Variants in PRKCA observed in about 807,000 individuals in gnomAD.
PRKCA encodes protein kinase C alpha type.
Under a neutral mutation model 87.0 loss-of-function variants are expected in PRKCA, and 27 were observed. The observed-to-expected ratio is 0.31, with a 90% CI of 0.23 to 0.43. The LOEUF is 0.43. Ranked by LOEUF, PRKCA falls within the 20% of genes least tolerant of loss-of-function variation. The pLI, the probability that PRKCA is intolerant of heterozygous loss-of-function variation, is 1.00. For missense variants in PRKCA, 518 were observed against 852.3 expected, an observed-to-expected ratio of 0.61 and a Z score of 4.88; for synonymous variants, 329 against 311.1, an observed-to-expected ratio of 1.06 and a Z score of -0.61.
chr17:66,798,809 GTGGTGGTGA>G (rs1975775364), intron 16 of PRKCA, among the ~76,000 whole-genome samples: 1 of 6,814 alleles, frequency 1.5e-4, no homozygotes, highest in African/African-American at 5.9e-4. Context: ...GGTGGTGGTG[GTGGTGGTGA>G]TGGTGGTGGT....
At chr17:66,766,384 G>A (rs1203365450) in intron 13 of PRKCA, among the ~76,000 whole-genome samples, 1 of 151,554 alleles carries the variant, frequency 6.6e-6, no homozygotes. Flanking sequence ...TTTCCAATTC[G>A]GACATCAGTT....
intron 13 of PRKCA, among the ~76,000 whole-genome samples, chr17:66,750,794 T>A (rs1974411149): frequency 6.6e-6 from 1 of 152,232 alleles, no homozygotes. Context: ...ATGGTGAAAC[T>A]GAGGCACAGA....
intron 5 of PRKCA, among the ~76,000 whole-genome samples, chr17:66,678,113 C>A: frequency 6.6e-6 from 1 of 152,172 alleles, no homozygotes; most frequent in East Asian, 1.9e-4. Context: ...GGAAATTCTT[C>A]TGGATGATCT....
chr17:66,485,563 C>T (rs1042429791), intron 2 of PRKCA, among the ~76,000 whole-genome samples: 1 of 152,136 alleles, frequency 6.6e-6, no homozygotes, highest in African/African-American at 2.4e-5. Flanking sequence ...AATTCTGGAG[C>T]CACACTTTGT....
intron 3 of PRKCA, among the ~76,000 whole-genome samples, chr17:66,630,851 T>G (rs1196920660): frequency 6.6e-6 from 1 of 152,134 alleles, no homozygotes; most frequent in Non-Finnish European, 1.5e-5. Flanking sequence ...CCAAATAATA[T>G]AAAATGGCAG....
At chr17:66,311,688 C>G (rs917636809) in intron 2 of PRKCA, among the ~76,000 whole-genome samples, 1 of 152,154 alleles carries the variant, frequency 6.6e-6, no homozygotes, top group African/African-American at 2.4e-5. Flanking sequence ...CGTAAAACTG[C>G]ATTAATACTT....
chr17:66,588,435 A>T (rs1409770322), intron 3 of PRKCA, among the ~76,000 whole-genome samples: 1 of 152,032 alleles, frequency 6.6e-6, no homozygotes, highest in Non-Finnish European at 1.5e-5. Context: ...ACATTTTCAT[A>T]AAATATTTTG....
intron 2 of PRKCA, among the ~76,000 whole-genome samples, chr17:66,457,536 C>T (rs1598689030): frequency 6.6e-6 from 1 of 152,062 alleles, no homozygotes; most frequent in Admixed American, 6.6e-5. Flanking sequence ...GGCTGTGTCC[C>T]CACCCAAATC....
chr17:66,612,242 A>G (rs534868120), intron 3 of PRKCA, among the ~76,000 whole-genome samples: 2 of 152,028 alleles, frequency 1.3e-5, no homozygotes, highest in East Asian at 1.9e-4. Context: ...TTAGCTGGGC[A>G]TGGTGGCAGG....
intron 2 of PRKCA, among the ~76,000 whole-genome samples, chr17:66,324,668 C>T (rs1905873609): frequency 2.0e-5 from 3 of 151,950 alleles, no homozygotes; most frequent in Non-Finnish European, 4.4e-5. Context: ...GAGAGACTTT[C>T]CAATGTGATA....
At chr17:66,483,697 G>A (rs1010488927) in intron 2 of PRKCA, among the ~76,000 whole-genome samples, 1 of 151,902 alleles carries the variant, frequency 6.6e-6, no homozygotes, top group African/African-American at 2.4e-5. Context: ...TCCTGACCTC[G>A]TGATCCACCC....
At position 66,447,095 on chromosome 17, in the gene PRKCA, C is replaced by T. The variant is rs151180854; in HGVS notation, c.206-49106C>T. 8.0e-4 allele frequency among the ~76,000 whole-genome samples: 122 copies of T among 152,256 alleles called. 1 individual carries two copies. In the East Asian group the frequency reaches 0.017, roughly 21 times the overall value. On this transcript the variant is annotated intron_variant, in intron 2 of 16. Coordinates refer to ENST00000413366, the MANE Select transcript of PRKCA (RefSeq NM_002737.3). ...TATCAAGCCATCAAAAGACAGACTG[C>T]GAAGTCACTCCGAGTGTAAGAGCTC... is the stretch of plus-strand genomic sequence containing the variant.
At chr17:66,420,080 C>T (rs1026164589) in intron 2 of PRKCA, among the ~76,000 whole-genome samples, 10 of 150,442 alleles carry the variant, frequency 6.6e-5, no homozygotes, top group Middle Eastern at 3.4e-3. Context: ...GGCGCAATCT[C>T]GGCTCACTGC....
At chr17:66,337,450 C>T (rs2143328102) in intron 2 of PRKCA, among the ~76,000 whole-genome samples, 1 of 152,242 alleles carries the variant, frequency 6.6e-6, no homozygotes, top group South Asian at 2.1e-4. Flanking sequence ...AGTACAGTGG[C>T]ATTATCATGG....
At chr17:66,417,055 C>T (rs374029084) in intron 2 of PRKCA, among the ~76,000 whole-genome samples, 16 of 152,040 alleles carry the variant, frequency 1.1e-4, no homozygotes, top group African/African-American at 3.1e-4. Context: ...CCCCCTACCA[C>T]GCCCAGCTAA....
chr17:66,648,991 G>A (rs1971520477), intron 5 of PRKCA, among the ~76,000 whole-genome samples: 1 of 151,942 alleles, frequency 6.6e-6, no homozygotes, highest in Non-Finnish European at 1.5e-5. Context: ...GTACTCAGGA[G>A]GAGGCTGAGG....
At chr17:66,638,665 A>G (rs12451872) in intron 3 of PRKCA, among the ~76,000 whole-genome samples, 9,951 of 152,120 alleles carry the variant, frequency 0.065, 360 homozygotes, top group Admixed American at 0.082. Flanking sequence ...TGGCTAACAA[A>G]GTGAAACCCC....
intron 2 of PRKCA, among the ~76,000 whole-genome samples, chr17:66,439,855 G>A (rs989409915): frequency 2.6e-5 from 4 of 152,140 alleles, no homozygotes; most frequent in African/African-American, 9.7e-5. Context: ...GCAGAGAAAG[G>A]GAATCAGCAT....
At chr17:66,314,635 T>A (rs1295642034) in intron 2 of PRKCA, among the ~76,000 whole-genome samples, 1 of 152,188 alleles carries the variant, frequency 6.6e-6, no homozygotes, top group African/African-American at 2.4e-5. Context: ...GTGACTGCAG[T>A]AGGTAGTTAG....
Sources: allele counts gnomAD v4.1 joint callset (sites outside exome capture counted in the v4.1 genomes callset), GRCh38; gene constraint gnomAD v4.1.1; transcripts MANE v1.5; gene names NCBI Gene and HGNC (gene_info 2026-07-23, HGNC 2026-07-21).